The following KIF13B variants were observed in gnomAD, a reference collection of about 807,000 sequenced individuals.
The protein encoded by KIF13B is kinesin family member 13B, also known as kinesin-like protein KIF13B.
KIF13B carries 127 observed loss-of-function variants against 222.0 expected under a neutral mutation model. The observed-to-expected ratio is 0.57, with a 90% CI of 0.50 to 0.66. KIF13B has a LOEUF of 0.66. Among genes scored for constraint, KIF13B ranks in the 30% least tolerant of loss-of-function variants. KIF13B has a pLI of 0.00. For missense variants in KIF13B, 2,173 were observed against 2,379.0 expected (o/e 0.91, Z 1.80); for synonymous variants, 976 against 919.0 (o/e 1.06, Z -1.12).
intron 37 of KIF13B, 121 bp downstream of exon 37, chr8:29,092,624 G>A: frequency 9.8e-7 from 1 of 1,019,134 alleles, no homozygotes; most frequent in South Asian, 1.8e-5. Flanking sequence ...AGCTGTTTCT[G>A]GGTTTAAAAA....
At chr8:29,133,316 T>TCAC (rs1002853082) in intron 22 of KIF13B, among the ~76,000 whole-genome samples, 1 of 152,188 alleles carries the variant, frequency 6.6e-6, no homozygotes, top group Admixed American at 6.5e-5. Context: ...TGGCTGGGTG[T>TCAC]GGTGGCTCAT....
intron 14 of KIF13B, among the ~76,000 whole-genome samples, chr8:29,154,727 T>C (rs1811443026): frequency 6.6e-6 from 1 of 152,148 alleles, no homozygotes. Context: ...TATTGCATCC[T>C]GGTCTTGGAG....
At chr8:29,223,781 T>TC in intron 2 of KIF13B, among the ~76,000 whole-genome samples, 1 of 152,270 alleles carries the variant, frequency 6.6e-6, no homozygotes, top group African/African-American at 2.4e-5. Context: ...AACCTCCACC[T>TC]CCCGGGTTCA....
chr8:29,072,466 C>T, intron 38 of KIF13B, 150 bp from the exon 39 acceptor site: 1 of 451,266 alleles, frequency 2.2e-6, no homozygotes, highest in South Asian at 9.4e-5. Context: ...CGGAAGATCG[C>T]TTGAGCCCAG....
At chr8:29,262,084 T>C (rs893341237) in intron 1 of KIF13B, among the ~76,000 whole-genome samples, 3 of 152,182 alleles carry the variant, frequency 2.0e-5, no homozygotes, top group African/African-American at 4.8e-5. Flanking sequence ...ACCTTGTATA[T>C]AAAGCGTTTT....
chr8:29,119,649 C>T (rs150435613), intron 29 of KIF13B, among the ~76,000 whole-genome samples: 5 of 152,246 alleles, frequency 3.3e-5, no homozygotes, highest in African/African-American at 9.6e-5. Context: ...TGCCTGCCTG[C>T]ACCCAAATAC....
intron 10 of KIF13B, among the ~76,000 whole-genome samples, chr8:29,175,686 C>T (rs1812445507): frequency 6.6e-6 from 1 of 152,174 alleles, no homozygotes; most frequent in Admixed American, 6.5e-5. Flanking sequence ...AAATGTTAGC[C>T]CAACAAAAGG....
chr8:29,195,077 G>A (rs59300408), intron 3 of KIF13B, among the ~76,000 whole-genome samples: 6,915 of 152,018 alleles, frequency 0.045, 328 homozygotes, highest in African/African-American at 0.11. Flanking sequence ...GTGAAACCCC[G>A]TCTCTACCAA....
At chr8:29,263,086 G>T, upstream of KIF13B, 1 of 1,496,542 alleles carries the variant, frequency 6.7e-7, no homozygotes, top group Non-Finnish European at 9.0e-7. Context: ...GGCCACCGGC[G>T]ACTCTTCGGG....
intron 10 of KIF13B, among the ~76,000 whole-genome samples, chr8:29,170,545 G>C (rs1027741517): frequency 1.3e-5 from 2 of 152,118 alleles, no homozygotes; most frequent in African/African-American, 2.4e-5. Context: ...AGTGACACTT[G>C]AGACCCAAAG....
At chr8:29,184,535 G>A (rs1812849184) in intron 6 of KIF13B, among the ~76,000 whole-genome samples, 1 of 152,166 alleles carries the variant, frequency 6.6e-6, no homozygotes, top group East Asian at 1.9e-4. Flanking sequence ...TAAGAAACTT[G>A]TTCAATAGGT....
At chr8:29,100,474 T>C (rs1399728850) in intron 35 of KIF13B, among the ~76,000 whole-genome samples, 1 of 144,934 alleles carries the variant, frequency 6.9e-6, no homozygotes, top group Non-Finnish European at 1.5e-5. Flanking sequence ...TAACTCGAGG[T>C]TTTTTTTTTT....
chr8:29,112,431 CAAAAAA>C (rs34908319), intron 32 of KIF13B, among the ~76,000 whole-genome samples: 3 of 78,288 alleles, frequency 3.8e-5, no homozygotes, highest in African/African-American at 5.2e-5. Flanking sequence ...GACTCAGTCT[CAAAAAA>C]AAAAAAAAAA....
intron 2 of KIF13B, among the ~76,000 whole-genome samples, chr8:29,197,799 C>G (rs1813507417): frequency 6.6e-6 from 1 of 152,188 alleles, no homozygotes; most frequent in African/African-American, 2.4e-5. Flanking sequence ...GTTGGACAAG[C>G]TTTTCTAAAC....
chr8:29,169,781 T>A (rs2130184609), intron 10 of KIF13B, among the ~76,000 whole-genome samples: 1 of 152,322 alleles, frequency 6.6e-6, no homozygotes, highest in South Asian at 2.1e-4. Flanking sequence ...TGAACATGAA[T>A]GAAATTCAAA....
intron 3 of KIF13B, 65 bp downstream of exon 3, chr8:29,196,122 C>G (rs955903876): frequency 1.5e-6 from 2 of 1,318,326 alleles, no homozygotes; most frequent in Non-Finnish European, 2.1e-6. Flanking sequence ...AAGAAAACTT[C>G]TAAGAGTTCA....
chr8:29,122,476 T>C, intron 29 of KIF13B, 115 bp downstream of exon 29: 1 of 777,404 alleles, frequency 1.3e-6, no homozygotes, highest in Non-Finnish European at 2.2e-6. Flanking sequence ...CACGTCAAAC[T>C]GGCTCTAGCC....
intron 2 of KIF13B, among the ~76,000 whole-genome samples, chr8:29,242,506 G>A (rs1056984397): frequency 1.3e-5 from 2 of 152,190 alleles, no homozygotes; most frequent in South Asian, 2.1e-4. Flanking sequence ...CCCAAGAACC[G>A]ATCTAGAAAA....
intron 37 of KIF13B, among the ~76,000 whole-genome samples, chr8:29,091,564 T>C (rs1768724912): frequency 6.6e-6 from 1 of 152,246 alleles, no homozygotes. Context: ...TGAGAAACTA[T>C]TTTTTAAAAC....
Sources: gnomAD v4.1 joint callset for allele counts (sites outside exome capture counted in the v4.1 genomes callset) on GRCh38, gnomAD v4.1.1 for gene constraint, MANE v1.5 for transcripts, NCBI Gene and HGNC (gene_info 2026-07-23, HGNC 2026-07-21) for gene names.